The following HYDIN variants were observed in gnomAD, a reference collection of about 807,000 sequenced individuals.
HYDIN encodes axonemal central pair apparatus protein HYDIN.
A neutral mutation model predicts 403.9 loss-of-function variants in HYDIN; 132 were observed. That is an observed-to-expected ratio of 0.33 (90% CI 0.28 to 0.38). HYDIN has a LOEUF of 0.38. Ranked by LOEUF, HYDIN falls within the 10% of genes least tolerant of loss-of-function variation. HYDIN has a pLI of 1.00. For missense variants in HYDIN, 2,827 were observed against 5,009.5 expected (o/e 0.56, Z 13.15); for synonymous variants, 1,202 against 1,891.7 (o/e 0.64, Z 9.46).
chr16:71,116,107 T>C (rs2084016176), intron 9 of HYDIN, among the ~76,000 whole-genome samples: 1 of 152,050 alleles, frequency 6.6e-6, no homozygotes, highest in Non-Finnish European at 1.5e-5. Flanking sequence ...ACATTAGGTC[T>C]CCAGAACTTA....
intron 9 of HYDIN, among the ~76,000 whole-genome samples, chr16:71,123,783 A>T (rs1179829286): frequency 6.7e-6 from 1 of 149,422 alleles, no homozygotes; most frequent in East Asian, 2.0e-4. Context: ...GTAGTGAATA[A>T]GTCTCATGAG....
At chr16:71,164,922 T>G (rs1271870045) in intron 5 of HYDIN, among the ~76,000 whole-genome samples, 1 of 152,170 alleles carries the variant, frequency 6.6e-6, no homozygotes, top group Non-Finnish European at 1.5e-5. Flanking sequence ...TGAGGCATCC[T>G]TTCATGCTCT....
chr16:71,181,646 T>G (rs750811833), intron 3 of HYDIN, among the ~76,000 whole-genome samples: 1 of 151,944 alleles, frequency 6.6e-6, no homozygotes, highest in African/African-American at 2.4e-5. Flanking sequence ...AAGAGCATAA[T>G]GGAAAAAAAA....
chr16:70,916,900 C>T (rs908337692), intron 47 of HYDIN, among the ~76,000 whole-genome samples: 2 of 151,390 alleles, frequency 1.3e-5, no homozygotes, highest in African/African-American at 4.9e-5. Flanking sequence ...TCTTTCCCCT[C>T]TCTCTCTTCT....
At chr16:71,092,312 T>C (rs546839288) in intron 11 of HYDIN, among the ~76,000 whole-genome samples, 244 of 152,028 alleles carry the variant, frequency 1.6e-3, no homozygotes, top group African/African-American at 5.5e-3. Flanking sequence ...GACCACGTGG[T>C]AGGGGTGGCC....
chr16:70,860,927 T>C, intron 69 of HYDIN, 26 bp from the exon 70 acceptor site: 1 of 665,576 alleles, frequency 1.5e-6, no homozygotes, highest in Non-Finnish European at 2.7e-6. Context: ...TATTTTTATT[T>C]GTTTTATTTT....
intron 85 of HYDIN, among the ~76,000 whole-genome samples, chr16:70,808,620 G>A (rs890399920): frequency 6.6e-6 from 1 of 152,162 alleles, no homozygotes; most frequent in African/African-American, 2.4e-5. Flanking sequence ...TGAGAAACAA[G>A]CCTTCATCTT....
intron 3 of HYDIN, among the ~76,000 whole-genome samples, chr16:71,184,256 T>C (rs1279006941): frequency 1.3e-5 from 2 of 152,242 alleles, no homozygotes; most frequent in East Asian, 3.9e-4. Context: ...GCCCAACTAT[T>C]GGAGGTTCAT....
intron 19 of HYDIN, chr16:71,031,455 G>A (rs11075837): frequency 7.4e-6 from 10 of 1,359,938 alleles, no homozygotes; most frequent in South Asian, 1.8e-5. Context: ...TATTCTTCTC[G>A]GATGTAGAGG....
Position 71,230,669 on chromosome 16 carries a change from A to G in HYDIN, c.-131T>C. 5.2e-6 allele frequency: 8 copies of G among 1,536,006 alleles called. No individual in the cohort carries two copies. Among genetic ancestry groups the G allele is most frequent in the Non-Finnish European group, 6.1e-6 (7 of 1,146,866 alleles). ...CTGAGGGGCTCCATACCCAGCTTGA[A>G]GCCGCCCGCACTCTCCATGCGCCGC... On this transcript the variant is annotated 5_prime_UTR_variant, in exon 1 of 86. Transcript: ENST00000393567.
At chr16:71,044,977 T>C (rs1407865577) in intron 18 of HYDIN, among the ~76,000 whole-genome samples, 1 of 151,148 alleles carries the variant, frequency 6.6e-6, no homozygotes, top group African/African-American at 2.4e-5. Context: ...TTGGCATGAT[T>C]TGAATTGAGG....
At chr16:70,948,313 G>A (rs2077945810) in intron 41 of HYDIN, among the ~76,000 whole-genome samples, 1 of 151,820 alleles carries the variant, frequency 6.6e-6, no homozygotes, top group African/African-American at 2.4e-5. Flanking sequence ...AATTCAAGAT[G>A]GATTAAAGAC....
At chr16:71,068,105 G>T (rs1428850783) in intron 14 of HYDIN, among the ~76,000 whole-genome samples, 1 of 147,964 alleles carries the variant, frequency 6.8e-6, no homozygotes, top group Non-Finnish European at 1.5e-5. Flanking sequence ...GCTCTTGGGG[G>T]GCTCAGAACA....
chr16:70,986,756 AAGAT>A (rs2079204719), intron 27 of HYDIN, among the ~76,000 whole-genome samples: 1 of 129,632 alleles, frequency 7.7e-6, no homozygotes, highest in South Asian at 3.1e-4. Context: ...TGTAAAGTAA[AAGAT>A]AACCCTAGAA....
intron 38 of HYDIN, among the ~76,000 whole-genome samples, chr16:70,961,000 C>A (rs573286781): frequency 4.2e-4 from 64 of 152,344 alleles, no homozygotes; most frequent in African/African-American, 1.4e-3. Flanking sequence ...CTAGCTCATT[C>A]TTTTTAAATA....
intron 1 of HYDIN, among the ~76,000 whole-genome samples, chr16:71,204,520 A>G (rs1438292083): frequency 6.6e-6 from 1 of 152,232 alleles, no homozygotes; most frequent in Non-Finnish European, 1.5e-5. Flanking sequence ...CATCCTTACT[A>G]GCAGATACTT....
chr16:71,228,753 C>A (rs9673385), intron 1 of HYDIN, among the ~76,000 whole-genome samples: 4,445 of 152,226 alleles, frequency 0.029, 186 homozygotes, highest in African/African-American at 0.1. Flanking sequence ...TGTGGCAATT[C>A]CCCAAGGATC....
intron 47 of HYDIN, 151 bp from the exon 48 acceptor site, chr16:70,909,012 A>G: frequency 1.4e-6 from 1 of 696,956 alleles, no homozygotes; most frequent in Non-Finnish European, 2.4e-6. Flanking sequence ...GGGTAGTGAC[A>G]AGACCAGTGC....
intron 80 of HYDIN, 59 bp from the exon 81 acceptor site, chr16:70,829,889 C>A (rs1291148497): frequency 4.1e-6 from 6 of 1,470,672 alleles, no homozygotes; most frequent in Non-Finnish European, 3.8e-6. Flanking sequence ...GTCTCCAGGG[C>A]CAGAAGTACA....
Sources: allele counts gnomAD v4.1 joint callset (sites outside exome capture counted in the v4.1 genomes callset), GRCh38; gene constraint gnomAD v4.1.1; transcripts MANE v1.5; gene names NCBI Gene and HGNC (gene_info 2026-07-23, HGNC 2026-07-21).